RAB10: variants seen among roughly 807,000 people sequenced by gnomAD.
The protein encoded by RAB10 is RAB10, member RAS oncogene family, also known as ras-related protein Rab-10.
RAB10 carries 5 observed loss-of-function variants against 25.7 expected under a neutral mutation model. That is an observed-to-expected ratio of 0.19 (90% CI 0.10 to 0.41). The LOEUF (loss-of-function observed/expected upper bound fraction) is 0.41, where lower values mean the gene tolerates loss of function less well. Ranked by LOEUF, RAB10 falls within the 10% of genes least tolerant of loss-of-function variation. RAB10 has a pLI of 1.00. For synonymous variants in RAB10, 89 were observed against 86.4 expected (o/e 1.03, Z -0.16); for missense variants, 103 against 245.8 (o/e 0.42, Z 3.89).
chr2:26,134,959 A>T lies in RAB10; in HGVS notation c.541A>T (p.Ser181Cys), dbSNP rs151070029. Reference sequence around the variant, plus strand: ...GCAGACCCCTGTAAAAGAGCCCAACAGTGAAAATGTAGATATCAGCAGTGG... The same window carrying T: ...GCAGACCCCTGTAAAAGAGCCCAACTGTGAAAATGTAGATATCAGCAGTGG... ...LRKTPVKEPN[S>C]ENVDISSGGG... The change falls in exon 6 of 6, where the codon AGT (serine) becomes TGT (cysteine). Residue 181 changes from serine to cysteine, a missense_variant. Ser to Cys is a moderately radical substitution (Grantham distance 112). Transcript: ENST00000264710. 3.1e-6 allele frequency: 5 copies of T among 1,613,660 alleles called. No homozygotes were observed. The African/African-American group carries it at 6.7e-5, about 22-fold the overall frequency.
intron 1 of RAB10, among the ~76,000 whole-genome samples, chr2:26,088,217 G>A (rs1667027950): frequency 6.6e-6 from 1 of 152,186 alleles, no homozygotes; most frequent in South Asian, 2.1e-4. Flanking sequence ...AACTGATAGA[G>A]TGGCTAGAGG....
At chr2:26,058,432 C>CTT (rs201757764) in intron 1 of RAB10, among the ~76,000 whole-genome samples, 2 of 151,132 alleles carry the variant, frequency 1.3e-5, no homozygotes, top group African/African-American at 4.9e-5. Context: ...TTTTTCTTTT[C>CTT]TTTTTTTTTA....
chr2:26,079,316 CACACACAA>C (rs757733275), intron 1 of RAB10, among the ~76,000 whole-genome samples: 2,429 of 86,146 alleles, frequency 0.028, 30 homozygotes, highest in East Asian at 0.16. Context: ...TTGAAACACA[CACACACAA>C]ACACACACAC....
intron 2 of RAB10, among the ~76,000 whole-genome samples, chr2:26,103,426 G>C (rs1667385819): frequency 6.6e-6 from 1 of 152,182 alleles, no homozygotes; most frequent in Non-Finnish European, 1.5e-5. Context: ...ACCTCAAAAT[G>C]AGAGGGGCTG....
chr2:26,098,818 A>G (rs112836140), intron 2 of RAB10, 96 bp downstream of exon 2: 20 of 1,104,242 alleles, frequency 1.8e-5, no homozygotes, highest in Non-Finnish European at 2.6e-5. Flanking sequence ...ATTCTGTGAG[A>G]CTTTTGTTTT....
At chr2:26,107,262 A>T (rs1667484042) in intron 2 of RAB10, among the ~76,000 whole-genome samples, 1 of 151,602 alleles carries the variant, frequency 6.6e-6, no homozygotes. Flanking sequence ...AAAAAAAAAA[A>T]AAAGACTAGG....
rs949576698 is a variant in RAB10 at position 26,096,442 on chromosome 2, A to C, written c.128-2220A>C. 9.0e-4 allele frequency among the ~76,000 whole-genome samples: 136 copies of C among 151,636 alleles called. 2 individuals are homozygous for C. The South Asian group carries it at 0.013, about 15-fold the overall frequency. On this transcript the variant is annotated intron_variant, in intron 1 of 5. Coordinates refer to ENST00000264710, the MANE Select transcript of RAB10 (RefSeq NM_016131.5). ...GATGGCTGGCTGGCTGGATGGATGGATGGATGGATGGATGGATGGATCTTC... is the reference window on the plus strand; with the variant it reads ...GATGGCTGGCTGGCTGGATGGATGGCTGGATGGATGGATGGATGGATCTTC...
rs571512841 is a variant in RAB10 at position 26,122,350 on chromosome 2, T to TG, written c.328-4791dup. Among the ~76,000 whole-genome samples, 31 of 152,302 alleles carry TG rather than the reference T, an allele frequency of 2.0e-4. No individual in the cohort carries two copies. The East Asian group carries it at 6.0e-3, about 29-fold the overall frequency. On this transcript the variant is annotated intron_variant, in intron 3 of 5. Transcript: ENST00000264710. ...CTATAAGAAAGGCATACTTGTAGGCTGGGCGCGGTGGCTCACGCCTGTAAT... is the reference window on the plus strand; with the variant it reads ...CTATAAGAAAGGCATACTTGTAGGCTGGGGCGCGGTGGCTCACGCCTGTAAT...
chr2:26,128,634 T>C (rs765660396), intron 5 of RAB10, among the ~76,000 whole-genome samples: 10 of 152,208 alleles, frequency 6.6e-5, no homozygotes, highest in Non-Finnish European at 1.2e-4. Flanking sequence ...ATCTATTAAG[T>C]AGTTATTGCC....
intron 3 of RAB10, 128 bp from the exon 4 acceptor site, chr2:26,127,016 G>A: frequency 1.5e-6 from 1 of 659,238 alleles, no homozygotes; most frequent in Non-Finnish European, 2.5e-6. Context: ...AGTAGTTTTA[G>A]GGTGACTGCT....
chr2:26,105,225 T>C (rs991906385), intron 2 of RAB10, among the ~76,000 whole-genome samples: 3 of 152,166 alleles, frequency 2.0e-5, no homozygotes, highest in Non-Finnish European at 2.9e-5. Context: ...CTGGCTGGTG[T>C]GTGGAGAACG....
At chr2:26,090,849 G>C (rs910843626) in intron 1 of RAB10, among the ~76,000 whole-genome samples, 3 of 151,732 alleles carry the variant, frequency 2.0e-5, no homozygotes, top group African/African-American at 7.3e-5. Context: ...CAGAAGAAAG[G>C]CTTGAACCTG....
chr2:26,109,605 C>T (rs1240843110), intron 2 of RAB10, among the ~76,000 whole-genome samples, 163 bp from the exon 3 acceptor site: 1 of 152,200 alleles, frequency 6.6e-6, no homozygotes, highest in Non-Finnish European at 1.5e-5. Context: ...TCACTTCCTA[C>T]TGTTTTCCCT....
chr2:26,104,447 G>T (rs1193954257), intron 2 of RAB10, among the ~76,000 whole-genome samples: 1 of 152,124 alleles, frequency 6.6e-6, no homozygotes, highest in Non-Finnish European at 1.5e-5. Context: ...TTATTGTTGA[G>T]TTGTAAGTTA....
intron 1 of RAB10, among the ~76,000 whole-genome samples, chr2:26,045,558 C>T (rs1665983883): frequency 6.6e-6 from 1 of 151,550 alleles, no homozygotes; most frequent in Admixed American, 6.6e-5. Flanking sequence ...TAGAAGGTTG[C>T]CCAGGCAGAG....
chr2:26,127,380 G>C (rs1667927289), intron 4 of RAB10, 147 bp downstream of exon 4: 1 of 650,464 alleles, frequency 1.5e-6, no homozygotes, highest in African/African-American at 1.9e-5. Context: ...TTTATCATTT[G>C]AGTGAATTTT....
chr2:26,047,364 A>G (rs963646576), intron 1 of RAB10, among the ~76,000 whole-genome samples: 1 of 140,626 alleles, frequency 7.1e-6, no homozygotes, highest in East Asian at 2.1e-4. Context: ...AACTCAGCAT[A>G]ATTCCCTGGA....
intron 1 of RAB10, among the ~76,000 whole-genome samples, chr2:26,057,687 A>T (rs1666298292): frequency 7.5e-6 from 1 of 133,186 alleles, no homozygotes; most frequent in African/African-American, 2.7e-5. Context: ...CAGTGACGCG[A>T]TCGCTGCTGA....
Position 26,034,213 on chromosome 2 carries a change from G to A in RAB10, c.-396G>A. ...GGGGTCCTTCTTCGCTGCCCTCGCC[G>A]CGTGCTAGCAGGGAGTTTCCGCTCG... On this transcript the variant is annotated 5_prime_UTR_variant, in exon 1 of 6. Transcript: ENST00000264710. The A allele has an allele frequency of 2.3e-6, 1 of 427,958 alleles. No homozygotes were observed. The highest frequency in any genetic ancestry group is 7.7e-5 in the South Asian group (1 of 12,988). 26.5% of individuals were successfully genotyped at this position (427,958 alleles called of 1,614,324 possible). A position where few individuals can be genotyped will look rare whatever the true frequency, so the allele number is the denominator to read the frequency against.
Sources: allele counts gnomAD v4.1 joint callset (sites outside exome capture counted in the v4.1 genomes callset), GRCh38; gene constraint gnomAD v4.1.1; transcripts MANE v1.5; gene names NCBI Gene and HGNC (gene_info 2026-07-23, HGNC 2026-07-21).